TMTC4: variants seen among roughly 807,000 people sequenced by gnomAD.
TMTC4 encodes transmembrane O-mannosyltransferase targeting cadherins 4.
A neutral mutation model predicts 86.0 loss-of-function variants in TMTC4; 65 were observed. The observed-to-expected ratio is 0.76, with a 90% CI of 0.62 to 0.93. The LOEUF (loss-of-function observed/expected upper bound fraction) is 0.93, where lower values mean the gene tolerates loss of function less well. Ranked by LOEUF, TMTC4 falls within the 40% of genes least tolerant of loss-of-function variation. TMTC4 has a pLI of 0.00. For missense variants in TMTC4, 866 were observed against 948.1 expected (o/e 0.91, Z 1.14); for synonymous variants, 379 against 382.5 (o/e 0.99, Z 0.11).
At chr13:100,636,165 C>T (rs982691261) in intron 10 of TMTC4, among the ~76,000 whole-genome samples, 1 of 152,162 alleles carries the variant, frequency 6.6e-6, no homozygotes, top group Admixed American at 6.5e-5. Flanking sequence ...GCAGCGTTCA[C>T]CAGGGTGTTT....
At chr13:100,607,459 G>A (rs1876823231) in intron 17 of TMTC4, among the ~76,000 whole-genome samples, 1 of 151,864 alleles carries the variant, frequency 6.6e-6, no homozygotes, top group African/African-American at 2.4e-5. Flanking sequence ...GGAGGTTGCG[G>A]TGAGCCGAGA....
chr13:100,637,813 T>TA, intron 8 of TMTC4, 111 bp from the exon 9 acceptor site: 1 of 1,540,518 alleles, frequency 6.5e-7, no homozygotes, highest in Non-Finnish European at 8.8e-7. Flanking sequence ...CACTGTGCTT[T>TA]AAAAGGCTGG....
intron 11 of TMTC4, 41 bp from the exon 12 acceptor site, chr13:100,634,977 G>A (rs374961550): frequency 2.9e-5 from 47 of 1,609,622 alleles, no homozygotes; most frequent in Non-Finnish European, 3.8e-5. Context: ...CCAGTGAGAT[G>A]CATCCGGTCA....
chr13:100,644,421 C>T (rs1883451522), intron 6 of TMTC4, among the ~76,000 whole-genome samples: 1 of 152,058 alleles, frequency 6.6e-6, no homozygotes, highest in Non-Finnish European at 1.5e-5. Flanking sequence ...CTCTTCACCT[C>T]AAATGCTCTA....
rs1057271326 is a variant in TMTC4, at chr13:100,604,969, A to G, written c.*25T>C. ...TATGCCTCATGCACACACACACTCA[A>G]ACTCAAAACATGAAGGAAACAGGAT... On this transcript the variant is annotated 3_prime_UTR_variant, in exon 19 of 19. Coordinates refer to ENST00000342624, the MANE Select transcript of TMTC4 (RefSeq NM_032813.5). 20 of 1,609,910 alleles carry G rather than the reference A, an allele frequency of 1.2e-5. No homozygotes were observed. Among genetic ancestry groups the G allele is most frequent in the Non-Finnish European group, 1.7e-5 (20 of 1,178,274 alleles).
At chr13:100,659,629 T>C (rs1885522793) in intron 5 of TMTC4, among the ~76,000 whole-genome samples, 1 of 151,958 alleles carries the variant, frequency 6.6e-6, no homozygotes, top group African/African-American at 2.4e-5. Context: ...AGGGGCTGTG[T>C]GGCCCTCCCA....
At chr13:100,666,036 C>T in intron 3 of TMTC4, 1 of 456,608 alleles carries the variant, frequency 2.2e-6, no homozygotes, top group South Asian at 1.5e-5. Flanking sequence ...TCTTTTCCTC[C>T]CTTTGAACAG....
chr13:100,625,498 T>C lies in TMTC4; in HGVS notation c.1836+37A>G, dbSNP rs1284286762. ...TATTATAAATAAGAAAAATAACCCA[T>C]CTTTCCTTCCACAGGCACAGGGCAC... is the stretch of plus-strand genomic sequence containing the variant. On this transcript the variant is annotated intron_variant, in intron 15 of 18. Coordinates refer to ENST00000342624, the MANE Select transcript of TMTC4 (RefSeq NM_032813.5). The C allele has an allele frequency of 2.5e-6, 4 of 1,609,902 alleles. No individual in the cohort carries two copies. In the South Asian group the frequency reaches 3.3e-5, roughly 13 times the overall value.
At position 100,637,985 on chromosome 13, in the gene TMTC4, T is replaced by C. The variant is rs1170779232; in HGVS notation, c.779A>G (p.Lys260Arg). ...NAVFDILVIG[K>R]FNVLEIVQKV... The stretch of plus-strand genomic sequence containing the variant: ...CTGGACAATTTCCAGAACATTGAAT[T>C]TGCCTATCACCAAGATGTCAAATAC... Residue 260 changes from lysine to arginine, a missense_variant, in exon 8 of 19, where the codon AAA (lysine) becomes AGA (arginine). Lys to Arg is a conservative substitution (Grantham distance 26). Transcript: ENST00000342624. 1 of 1,614,026 alleles carries C rather than the reference T, an allele frequency of 6.2e-7. No individual in the cohort carries two copies.
At chr13:100,663,246 G>C in intron 4 of TMTC4, 66 bp from the exon 5 acceptor site, 1 of 1,388,994 alleles carries the variant, frequency 7.2e-7, no homozygotes, top group Non-Finnish European at 1.0e-6. Flanking sequence ...GCAAAGGTCT[G>C]GAGGAGAAGG....
At chr13:100,643,463 G>GA (rs1883307180) in intron 6 of TMTC4, among the ~76,000 whole-genome samples, 2 of 152,114 alleles carry the variant, frequency 1.3e-5, no homozygotes, top group African/African-American at 4.8e-5. Context: ...TATTCGAAAG[G>GA]AAAAAATTAC....
intron 5 of TMTC4, among the ~76,000 whole-genome samples, chr13:100,659,008 A>G (rs1446183987): frequency 6.6e-6 from 1 of 152,190 alleles, no homozygotes; most frequent in African/African-American, 2.4e-5. Flanking sequence ...TATTTGCATA[A>G]TATGTATTTT....
In TMTC4 at chr13:100,636,354, C is replaced by T. The variant is rs187992108; in HGVS notation, c.1202+178G>A. 7.0e-4 allele frequency among the ~76,000 whole-genome samples: 107 copies of T among 152,342 alleles called. 1 individual carries two copies. Among genetic ancestry groups the T allele is most frequent in the Admixed American group, 5.4e-3 (82 of 15,310 alleles). On this transcript the variant is annotated intron_variant, in intron 10 of 18. Coordinates refer to ENST00000342624, the MANE Select transcript of TMTC4 (RefSeq NM_032813.5). Reference sequence around the variant, plus strand: ...TCCTCTTCCAGCCTCGCTCCCCACCCGCGGAAGCCAGCCATGGATTCCAAA... The same window carrying T: ...TCCTCTTCCAGCCTCGCTCCCCACCTGCGGAAGCCAGCCATGGATTCCAAA...
At position 100,636,692 on chromosome 13, in the gene TMTC4, G is replaced by A. The variant is rs151149241; in HGVS notation, c.1042C>T (p.Leu348=). 234 of 1,614,224 alleles carry A rather than the reference G, an allele frequency of 1.4e-4. 1 individual carries two copies. The highest frequency in any genetic ancestry group is 2.5e-4 in the South Asian group (23 of 91,078). ...AAACACAGCCACCAGGGACACAGCA[G>A]CAGCCAGGCATTCAATGAATAGTAG... ...NYYYSLNAWL[L]LCPWWLCFDW... The change falls in exon 10 of 19, where the codon CTG becomes TTG. Residue 348 remains leucine (L), a synonymous_variant. Transcript: ENST00000342624.
chr13:100,632,608 C>T (rs1881597694), intron 12 of TMTC4, among the ~76,000 whole-genome samples: 1 of 152,192 alleles, frequency 6.6e-6, no homozygotes, highest in Non-Finnish European at 1.5e-5. Context: ...AAGTAATTCA[C>T]TATTTTATCT....
intron 5 of TMTC4, 106 bp from the exon 6 acceptor site, chr13:100,656,574 A>C: frequency 2.2e-4 from 111 of 513,018 alleles, no homozygotes; most frequent in Non-Finnish European, 2.8e-4. Context: ...ACAGGGTCTC[A>C]CTCTGCCACC....
At chr13:100,640,212 T>G (rs1882833343) in intron 7 of TMTC4, among the ~76,000 whole-genome samples, 3 of 151,900 alleles carry the variant, frequency 2.0e-5, no homozygotes, top group Non-Finnish European at 4.4e-5. Context: ...TGGAGACATT[T>G]TAGGTTGTCA....
At chr13:100,611,493 G>A (rs1249712477) in intron 17 of TMTC4, among the ~76,000 whole-genome samples, 1 of 152,190 alleles carries the variant, frequency 6.6e-6, no homozygotes, top group East Asian at 1.9e-4. Context: ...GCTGAGGCAG[G>A]AGAATGGCGT....
At chr13:100,612,587 G>A in intron 16 of TMTC4, 77 bp from the exon 17 acceptor site, 1 of 1,012,164 alleles carries the variant, frequency 9.9e-7, no homozygotes, top group South Asian at 1.4e-5. Context: ...TAACTAACAG[G>A]GTTTATGTGC....
Sources: gnomAD v4.1 joint callset for allele counts (sites outside exome capture counted in the v4.1 genomes callset) on GRCh38, gnomAD v4.1.1 for gene constraint, MANE v1.5 for transcripts, NCBI Gene and HGNC (gene_info 2026-07-23, HGNC 2026-07-21) for gene names.